SMCO3: variants seen among roughly 807,000 people sequenced by gnomAD.
SMCO3 encodes single-pass membrane and coiled-coil domain-containing protein 3.
SMCO3 carries 6 observed loss-of-function variants against 12.0 expected under a neutral mutation model. That is an observed-to-expected ratio of 0.50 (90% CI 0.27 to 0.99). The LOEUF (loss-of-function observed/expected upper bound fraction) is 0.99, where lower values mean the gene tolerates loss of function less well. Among genes scored for constraint, SMCO3 ranks in the 50% least tolerant of loss-of-function variants. SMCO3 has a pLI of 0.11. For synonymous variants in SMCO3, 96 were observed against 96.4 expected, an observed-to-expected ratio of 1.00 and a Z score of 0.02; for missense variants, 279 against 265.0, an observed-to-expected ratio of 1.05 and a Z score of -0.37.
At chr12:14,808,380 T>A (rs1220747811) in intron 1 of SMCO3, among the ~76,000 whole-genome samples, 2 of 152,074 alleles carry the variant, frequency 1.3e-5, no homozygotes, top group African/African-American at 4.8e-5. Context: ...TTTTTTTTTT[T>A]AAATTACACT....
At chr12:14,810,697 C>T (rs771389092) in intron 1 of SMCO3, among the ~76,000 whole-genome samples, 2 of 152,112 alleles carry the variant, frequency 1.3e-5, no homozygotes, top group African/African-American at 2.4e-5. Flanking sequence ...ATTTAGTCAT[C>T]TAGTAAGGTT....
Position 14,805,570 on chromosome 12 carries a change from T to C in SMCO3, c.*433A>G, listed in dbSNP as rs1157339635. The C allele has an allele frequency of 6.4e-6, 1 of 155,998 alleles. No homozygotes were observed. The highest frequency in any genetic ancestry group is 1.4e-5 in the Non-Finnish European group (1 of 70,714). 9.7% of individuals were successfully genotyped at this position (155,998 alleles called of 1,614,324 possible). ...GTCTCATTCGAAGGCCTAGAGTTTGTGTCTAGGCAGAAGTTACTGAGTATG... is the reference window on the plus strand; with the variant it reads ...GTCTCATTCGAAGGCCTAGAGTTTGCGTCTAGGCAGAAGTTACTGAGTATG... On this transcript the variant is annotated 3_prime_UTR_variant, in exon 2 of 2. Coordinates refer to ENST00000316048, the MANE Select transcript of SMCO3 (RefSeq NM_001013698.2).
intron 1 of SMCO3, among the ~76,000 whole-genome samples, chr12:14,809,512 A>T (rs936612865): frequency 6.6e-6 from 1 of 152,216 alleles, no homozygotes; most frequent in African/African-American, 2.4e-5. Context: ...CTGTTTAATA[A>T]TAATAAATTG....
intron 1 of SMCO3, among the ~76,000 whole-genome samples, chr12:14,807,390 C>T (rs1037505574): frequency 2.0e-5 from 3 of 152,186 alleles, no homozygotes; most frequent in African/African-American, 4.8e-5. Context: ...GTTTCCCGAA[C>T]CCCTAGTCAC....
chr12:14,810,082 T>C (rs71532845), intron 1 of SMCO3, among the ~76,000 whole-genome samples: 14,953 of 152,292 alleles, frequency 0.098, 975 homozygotes, highest in Admixed American at 0.22. Flanking sequence ...AGAAATGTTA[T>C]GATGTGCTAA....
At chr12:14,813,915 T>C (rs1196723754) in intron 1 of SMCO3, among the ~76,000 whole-genome samples, 1 of 152,212 alleles carries the variant, frequency 6.6e-6, no homozygotes, top group Non-Finnish European at 1.5e-5. Context: ...GTTAATTTTC[T>C]TCCTTCTCTG....
intron 1 of SMCO3, 52 bp from the exon 2 acceptor site, chr12:14,806,748 A>G: frequency 6.8e-7 from 1 of 1,466,660 alleles, no homozygotes; most frequent in Non-Finnish European, 9.2e-7. Context: ...AATGTCTGCT[A>G]ACTGTGTAGA....
In SMCO3 at chr12:14,806,331, A is replaced by G. The variant is rs1462836235; in HGVS notation, c.350T>C (p.Ile117Thr). 1 of 1,614,240 alleles carries G rather than the reference A, an allele frequency of 6.2e-7. No individual in the cohort carries two copies. The highest frequency in any genetic ancestry group is 1.1e-5 in the South Asian group (1 of 91,086). Reference protein sequence around the residue: ...TDKIAIVQKVISVILGEATSA... With the variant: ...TDKIAIVQKVTSVILGEATSA... The stretch of plus-strand genomic sequence containing the variant: ...TGTAGCTTCTCCCAGGATGACCGAA[A>G]TAACCTTTTGCACTATTGCAATTTT... Residue 117 changes from isoleucine (I) to threonine (T), a missense_variant, in exon 2 of 2, where the codon ATT becomes ACT. Coordinates refer to ENST00000316048, the MANE Select transcript of SMCO3 (RefSeq NM_001013698.2).
intron 1 of SMCO3, among the ~76,000 whole-genome samples, chr12:14,812,198 A>C (rs954922021): frequency 6.6e-6 from 1 of 152,110 alleles, no homozygotes; most frequent in African/African-American, 2.4e-5. Flanking sequence ...TAATCCGAGC[A>C]CTTTGGGAGG....
At chr12:14,806,842 T>C (rs1950060000) in intron 1 of SMCO3, 146 bp from the exon 2 acceptor site, 1 of 780,356 alleles carries the variant, frequency 1.3e-6, no homozygotes, top group African/African-American at 1.8e-5. Context: ...CTCAACAAGT[T>C]TTTTTAAAAG....
chr12:14,806,697 C>T lies in SMCO3; in HGVS notation c.-16-1G>A, dbSNP rs1950057752. 6.4e-7 allele frequency: 1 copy of T among 1,557,268 alleles called. No individual in the cohort carries two copies. The highest frequency in any genetic ancestry group is 8.6e-7 in the Non-Finnish European group (1 of 1,156,284). ...TTGGGCCATATTTCCAATATGATCGCTGAAAAATAAAATGGTAAATTTTTA... is the reference window on the plus strand; with the variant it reads ...TTGGGCCATATTTCCAATATGATCGTTGAAAAATAAAATGGTAAATTTTTA... On this transcript the variant is annotated splice_acceptor_variant, in intron 1 of 1. Coordinates refer to ENST00000316048, the MANE Select transcript of SMCO3 (RefSeq NM_001013698.2). LOFTEE classifies it low-confidence loss of function (5UTR_SPLICE).
rs551324911 is a variant in SMCO3, at chr12:14,805,309, T to C, written c.*694A>G. 1.3e-5 allele frequency: 2 copies of C among 152,372 alleles called. No individual in the cohort carries two copies. The highest frequency in any genetic ancestry group is 1.9e-4 in the East Asian group (1 of 5,192). The allele number at this position is 152,372 out of a possible 1,614,324, so 9.4% of individuals were successfully genotyped here. A position where few individuals can be genotyped will look rare whatever the true frequency, so the allele number is the denominator to read the frequency against. ...TGTTTGAACATTCACTTGAGCGATA[T>C]TTAATTATCACAGTTGGTCAGGGTT... On this transcript the variant is annotated 3_prime_UTR_variant, in exon 2 of 2. Coordinates refer to ENST00000316048, the MANE Select transcript of SMCO3 (RefSeq NM_001013698.2).
At chr12:14,813,464 A>G (rs946793797) in intron 1 of SMCO3, among the ~76,000 whole-genome samples, 1 of 152,238 alleles carries the variant, frequency 6.6e-6, no homozygotes, top group Admixed American at 6.5e-5. Flanking sequence ...TGATGTGATG[A>G]TATACTTTCT....
chr12:14,812,256 A>T (rs1266689810), intron 1 of SMCO3, among the ~76,000 whole-genome samples: 1 of 152,064 alleles, frequency 6.6e-6, no homozygotes, highest in Admixed American at 6.5e-5. Context: ...CATCCTGGCT[A>T]ACACGGTGAA....
At chr12:14,807,624 A>G (rs1047763857) in intron 1 of SMCO3, among the ~76,000 whole-genome samples, 33 of 152,236 alleles carry the variant, frequency 2.2e-4, no homozygotes, top group African/African-American at 8.0e-4. Context: ...ATATCATGCT[A>G]GAATCTTTAA....
intron 1 of SMCO3, among the ~76,000 whole-genome samples, chr12:14,811,023 G>C (rs965775397): frequency 6.6e-6 from 1 of 152,130 alleles, no homozygotes; most frequent in Non-Finnish European, 1.5e-5. Flanking sequence ...TTTCATTGAT[G>C]ACCTGTCACT....
intron 1 of SMCO3, among the ~76,000 whole-genome samples, chr12:14,809,401 G>A (rs770761673): frequency 6.6e-6 from 1 of 151,956 alleles, no homozygotes; most frequent in Non-Finnish European, 1.5e-5. Flanking sequence ...TCTCCCCCCA[G>A]TATTAAAACA....
rs1950028812 is a variant in SMCO3 at position 14,805,144 on chromosome 12, A to C, written c.*859T>G. On this transcript the variant is annotated 3_prime_UTR_variant, in exon 2 of 2. Transcript: ENST00000316048. ...TTTTGCTAGTGTTGAAAATGAAATTATATTCTTTTTTCTGAAAGCTTATAA... is the reference window on the plus strand; with the variant it reads ...TTTTGCTAGTGTTGAAAATGAAATTCTATTCTTTTTTCTGAAAGCTTATAA... The C allele has an allele frequency of 6.6e-6, 1 of 152,192 alleles. No homozygotes were observed. Among genetic ancestry groups the C allele is most frequent in the Non-Finnish European group, 1.5e-5 (1 of 68,032 alleles). 9.4% of individuals were successfully genotyped at this position (152,192 alleles called of 1,614,324 possible).
intron 1 of SMCO3, among the ~76,000 whole-genome samples, chr12:14,812,561 A>T (rs1235464631): frequency 1.3e-5 from 2 of 152,006 alleles, no homozygotes; most frequent in African/African-American, 4.8e-5. Flanking sequence ...ATACCCACAG[A>T]TTTTTTTTCC....
Sources: gnomAD v4.1 joint callset for allele counts (sites outside exome capture counted in the v4.1 genomes callset) on GRCh38, gnomAD v4.1.1 for gene constraint, MANE v1.5 for transcripts, NCBI Gene and HGNC (gene_info 2026-07-23, HGNC 2026-07-21) for gene names.